Variants in HERC4 observed in about 807,000 individuals in gnomAD.
The protein encoded by HERC4 is probable E3 ubiquitin-protein ligase HERC4.
HERC4 carries 28 observed loss-of-function variants against 124.3 expected under a neutral mutation model. The ratio of observed to expected loss-of-function variants is 0.23; its 90% confidence interval spans 0.17 to 0.31. The LOEUF (loss-of-function observed/expected upper bound fraction) is 0.31, where lower values mean the gene tolerates loss of function less well. HERC4 is among the 10% of genes least tolerant of loss of function. HERC4 has a pLI of 1.00. For synonymous variants in HERC4, 407 were observed against 421.5 expected (o/e 0.97, Z 0.42); for missense variants, 713 against 1,229.3 (o/e 0.58, Z 6.28).
At chr10:67,926,145 A>G (rs1258570397) in intron 23 of HERC4, among the ~76,000 whole-genome samples, 1 of 152,228 alleles carries the variant, frequency 6.6e-6, no homozygotes, top group Non-Finnish European at 1.5e-5. Flanking sequence ...CTATAATCCC[A>G]GCACTTTGGG....
chr10:68,073,767 C>T (rs2041678269), intron 1 of HERC4, 81 bp from the exon 2 acceptor site: 1 of 152,046 alleles, frequency 6.6e-6, no homozygotes, highest in African/African-American at 2.4e-5. Context: ...ACTCTTTAGC[C>T]CAGAGAGAAA....
At chr10:67,974,027 CAG>C (rs1365052929) in intron 15 of HERC4, among the ~76,000 whole-genome samples, 4 of 121,792 alleles carry the variant, frequency 3.3e-5, no homozygotes, top group East Asian at 2.6e-4. Flanking sequence ...AGCCTGGCAA[CAG>C]AGAGAGACTC....
At chr10:67,947,378 A>T (rs1217471702) in intron 19 of HERC4, among the ~76,000 whole-genome samples, 1 of 152,272 alleles carries the variant, frequency 6.6e-6, no homozygotes, top group Non-Finnish European at 1.5e-5. Flanking sequence ...ACAAATATTG[A>T]TAACAGGGTC....
intron 19 of HERC4, among the ~76,000 whole-genome samples, chr10:67,942,587 C>T (rs572604680): frequency 6.6e-6 from 1 of 152,208 alleles, no homozygotes; most frequent in African/African-American, 2.4e-5. Flanking sequence ...TCTTGGCTCA[C>T]GGCAACCTCC....
chr10:68,044,323 C>T, intron 4 of HERC4, 81 bp downstream of exon 4: 1 of 1,370,950 alleles, frequency 7.3e-7, no homozygotes, highest in Non-Finnish European at 9.8e-7. Flanking sequence ...TCTTACAGGC[C>T]CAAAGATAAG....
chr10:67,928,708 G>C (rs1050713140), intron 23 of HERC4, among the ~76,000 whole-genome samples: 4 of 152,072 alleles, frequency 2.6e-5, no homozygotes, highest in African/African-American at 9.7e-5. Flanking sequence ...GGATCATGAG[G>C]TCAGGAGTTC....
At chr10:67,978,330 T>G (rs1439520172) in intron 15 of HERC4, among the ~76,000 whole-genome samples, 2 of 152,202 alleles carry the variant, frequency 1.3e-5, no homozygotes, top group African/African-American at 2.4e-5. Context: ...CTGGCAGTAC[T>G]CCCCACAGGC....
chr10:67,995,503 C>G (rs954851032), intron 9 of HERC4, among the ~76,000 whole-genome samples: 1 of 149,238 alleles, frequency 6.7e-6, no homozygotes, highest in Non-Finnish European at 1.5e-5. Context: ...ATATAAATTT[C>G]TTCTTTTAGG....
chr10:67,976,740 G>A (rs1022207037), intron 15 of HERC4, among the ~76,000 whole-genome samples: 5 of 152,252 alleles, frequency 3.3e-5, no homozygotes, highest in African/African-American at 7.2e-5. Flanking sequence ...TCTGTGCACC[G>A]GGGAGAGAAA....
At chr10:67,934,801 C>G (rs183698523) in intron 22 of HERC4, among the ~76,000 whole-genome samples, 13 of 151,948 alleles carry the variant, frequency 8.6e-5, no homozygotes, top group Non-Finnish European at 1.5e-4. Context: ...TTTAGGGTCC[C>G]TTTGACTGAA....
At chr10:67,966,643 A>G in intron 16 of HERC4, 40 bp downstream of exon 16, 2 of 1,581,854 alleles carry the variant, frequency 1.3e-6, no homozygotes, top group Non-Finnish European at 1.7e-6. Context: ...TTAGATACAT[A>G]TACATAAAAA....
chr10:68,013,307 A>C (rs1459158877), intron 9 of HERC4, among the ~76,000 whole-genome samples: 3 of 152,232 alleles, frequency 2.0e-5, no homozygotes, highest in Non-Finnish European at 4.4e-5. Context: ...CTTTATTACG[A>C]TATTTGCTTT....
intron 9 of HERC4, among the ~76,000 whole-genome samples, chr10:67,999,131 T>A (rs1468108227): frequency 3.3e-5 from 5 of 152,206 alleles, no homozygotes; most frequent in East Asian, 1.9e-4. Context: ...ACCTGGTATG[T>A]TAGATCTCAA....
chr10:67,963,277 C>T (rs574283444), intron 16 of HERC4, among the ~76,000 whole-genome samples: 16 of 152,218 alleles, frequency 1.1e-4, no homozygotes, highest in East Asian at 5.8e-4. Flanking sequence ...AGTGCAGTGG[C>T]GTGATCTCAA....
At chr10:68,015,074 C>T (rs1391849505) in intron 8 of HERC4, among the ~76,000 whole-genome samples, 1 of 152,204 alleles carries the variant, frequency 6.6e-6, no homozygotes, top group Non-Finnish European at 1.5e-5. Flanking sequence ...ATCTCTTTCT[C>T]CATGTCTTAA....
At chr10:67,966,837 C>T (rs756245101) in intron 15 of HERC4, 35 bp from the exon 16 acceptor site, 30 of 1,510,992 alleles carry the variant, frequency 2.0e-5, no homozygotes, top group Non-Finnish European at 2.7e-5. Context: ...TTAAATTTAA[C>T]CAGTACTCAA....
rs999221579 is a variant in HERC4 at position 67,995,300 on chromosome 10, T to C, written c.1070-2618A>G. ...GGCATTGATGCTCATTCACTGTAGG[T>C]TGAAAAATTAAGTGTTAGCATTACT... On this transcript the variant is annotated intron_variant, in intron 9 of 24. Coordinates refer to ENST00000373700, the MANE Select transcript of HERC4 (RefSeq NM_015601.4). The C allele has an allele frequency of 1.3e-5, 6 of 455,230 alleles. No individual in the cohort carries two copies. In the East Asian group the frequency reaches 3.5e-4, roughly 26 times the overall value. The allele number at this position is 455,230 out of a possible 1,614,324, so 28.2% of individuals were successfully genotyped here.
At chr10:67,943,864 T>C (rs911310681) in intron 19 of HERC4, among the ~76,000 whole-genome samples, 10 of 152,216 alleles carry the variant, frequency 6.6e-5, no homozygotes, top group Non-Finnish European at 1.5e-4. Flanking sequence ...CTAATTATTC[T>C]ATGGATGGGG....
At chr10:67,979,146 C>T (rs963283085) in intron 15 of HERC4, among the ~76,000 whole-genome samples, 2 of 152,050 alleles carry the variant, frequency 1.3e-5, no homozygotes, top group African/African-American at 2.4e-5. Flanking sequence ...CAAAATAAGG[C>T]ACCAAAGACA....
Sources: allele counts gnomAD v4.1 joint callset (sites outside exome capture counted in the v4.1 genomes callset), GRCh38; gene constraint gnomAD v4.1.1; transcripts MANE v1.5; gene names NCBI Gene and HGNC (gene_info 2026-07-23, HGNC 2026-07-21).